The following CNTNAP5 variants were observed in gnomAD, a reference collection of about 807,000 sequenced individuals.
CNTNAP5 encodes contactin associated protein family member 5.
CNTNAP5 carries 72 observed loss-of-function variants against 150.2 expected under a neutral mutation model. That is an observed-to-expected ratio of 0.48 (90% CI 0.40 to 0.58). CNTNAP5 has a LOEUF of 0.58. Ranked by LOEUF, CNTNAP5 falls within the 20% of genes least tolerant of loss-of-function variation. The pLI, the probability that CNTNAP5 is intolerant of heterozygous loss-of-function variation, is 0.00. For synonymous variants in CNTNAP5, 672 were observed against 619.8 expected, an observed-to-expected ratio of 1.08 and a Z score of -1.25; for missense variants, 1,636 against 1,626.2, an observed-to-expected ratio of 1.01 and a Z score of -0.10.
intron 1 of CNTNAP5, among the ~76,000 whole-genome samples, chr2:124,152,730 T>C (rs1246688168): frequency 6.6e-6 from 1 of 152,054 alleles, no homozygotes; most frequent in Non-Finnish European, 1.5e-5. Context: ...ACATGACAGA[T>C]TGGAGGGACC....
At chr2:124,840,779 A>C (rs1022135201) in intron 19 of CNTNAP5, among the ~76,000 whole-genome samples, 7 of 152,088 alleles carry the variant, frequency 4.6e-5, no homozygotes, top group African/African-American at 1.7e-4. Flanking sequence ...ATCATCTCTA[A>C]TTGACCATCA....
At chr2:124,749,318 T>C (rs1196683621) in intron 14 of CNTNAP5, among the ~76,000 whole-genome samples, 3 of 151,988 alleles carry the variant, frequency 2.0e-5, no homozygotes, top group Non-Finnish European at 4.4e-5. Flanking sequence ...TAGTTACTCT[T>C]GACTCTGACC....
intron 3 of CNTNAP5, among the ~76,000 whole-genome samples, chr2:124,367,212 T>C (rs895971422): frequency 1.3e-5 from 2 of 152,184 alleles, no homozygotes; most frequent in East Asian, 1.9e-4. Context: ...ACAGTAACCA[T>C]TGGACTGGTG....
chr2:124,734,326 G>T (rs777569986), intron 13 of CNTNAP5, among the ~76,000 whole-genome samples: 14 of 152,186 alleles, frequency 9.2e-5, no homozygotes, highest in Admixed American at 1.3e-4. Context: ...AATGAAAAGT[G>T]AGCATGAGAG....
chr2:124,138,409 G>T (rs1684027806), intron 1 of CNTNAP5, among the ~76,000 whole-genome samples: 1 of 152,200 alleles, frequency 6.6e-6, no homozygotes, highest in East Asian at 1.9e-4. Context: ...AGGGAGCCTT[G>T]TACTCTTAAT....
At chr2:124,558,495 T>C (rs1330691784) in intron 10 of CNTNAP5, among the ~76,000 whole-genome samples, 1 of 152,030 alleles carries the variant, frequency 6.6e-6, no homozygotes, top group Non-Finnish European at 1.5e-5. Flanking sequence ...AGTCTGGAGT[T>C]CAGGAGCGAA....
Position 124,772,904 on chromosome 2 carries a change from C to T in CNTNAP5, c.2639C>T (p.Ala880Val). ...GACAACCAATGGCACTATGTCCGGGCTGAGAGGAACCTCAAGGAGACCTCC... is the reference window on the plus strand; with the variant it reads ...GACAACCAATGGCACTATGTCCGGGTTGAGAGGAACCTCAAGGAGACCTCC... ...LNDNQWHYVR[A>V]ERNLKETSLQ... The change falls in exon 17 of 24, where the codon GCT becomes GTT. Residue 880 changes from alanine (A) to valine (V), a missense_variant. By Grantham distance (64) the Ala-to-Val change is moderately conservative. Transcript: ENST00000682447. 6.2e-7 allele frequency: 1 copy of T among 1,613,638 alleles called. No homozygotes were observed. Among genetic ancestry groups the T allele is most frequent in the Non-Finnish European group, 8.5e-7 (1 of 1,179,674 alleles).
chr2:124,086,162 T>TTGC (rs1287706663), intron 1 of CNTNAP5, among the ~76,000 whole-genome samples: 1 of 151,526 alleles, frequency 6.6e-6, no homozygotes, highest in Admixed American at 6.6e-5. Flanking sequence ...TTCACATATT[T>TTGC]TGCAGCTTTG....
intron 2 of CNTNAP5, among the ~76,000 whole-genome samples, chr2:124,232,352 G>A (rs555654935): frequency 1.2e-4 from 18 of 152,176 alleles, no homozygotes; most frequent in African/African-American, 2.9e-4. Flanking sequence ...TTTTTCCTTC[G>A]TCTAACTGGG....
intron 10 of CNTNAP5, among the ~76,000 whole-genome samples, chr2:124,537,037 T>A (rs1038472314): frequency 2.7e-4 from 40 of 150,640 alleles, no homozygotes; most frequent in East Asian, 7.8e-4. Context: ...TGTGTGTGTG[T>A]GAGAGAGAGA....
In CNTNAP5 at chr2:124,466,174, T is replaced by C. The variant is rs560070640; in HGVS notation, c.919-8565T>C. Among the ~76,000 whole-genome samples the C allele has an allele frequency of 1.1e-4, 16 of 152,228 alleles. No individual in the cohort carries two copies. In the South Asian group the frequency reaches 3.3e-3, roughly 32 times the overall value. ...TTTTTCCATTTTTACTTCAAGAAAA[T>C]AATTTTCTTTAAAGGTGGTTATTAT... is the stretch of plus-strand genomic sequence containing the variant. On this transcript the variant is annotated intron_variant, in intron 6 of 23. Transcript: ENST00000682447.
rs1558803914 is a variant in CNTNAP5 at position 124,860,489 on chromosome 2, TTCCTTCCTTCCTTCTTTCC to T, written c.3218-4815_3218-4797del. ...CTTCCTTCCTTCCTTCCTTCCTTCC[TTCCTTCCTTCCTTCTTTCC>T]TTCCTTCCTTCCTTCCTTCCTTCCT... is the stretch of plus-strand genomic sequence containing the variant. On this transcript the variant is annotated intron_variant, in intron 19 of 23. Transcript: ENST00000682447. Among the ~76,000 whole-genome samples the T allele has an allele frequency of 6.5e-4, 71 of 109,282 alleles. 1 individual carries two copies. Among genetic ancestry groups the T allele is most frequent in the East Asian group, 3.4e-3 (13 of 3,798 alleles). The allele number at this position is 109,282 out of a possible 152,430, so 71.7% of individuals were successfully genotyped here. A position where few individuals can be genotyped will look rare whatever the true frequency, so the allele number is the denominator to read the frequency against.
intron 1 of CNTNAP5, among the ~76,000 whole-genome samples, chr2:124,096,735 G>A (rs113389676): frequency 0.093 from 14,098 of 151,644 alleles, 780 homozygotes; most frequent in Non-Finnish European, 0.13. Flanking sequence ...ACAGAGTCTC[G>A]CTCTGTCACC....
chr2:124,065,874 G>A (rs994140627), intron 1 of CNTNAP5, among the ~76,000 whole-genome samples: 17 of 152,152 alleles, frequency 1.1e-4, no homozygotes, highest in African/African-American at 2.2e-4. Context: ...GTTAGTCTCC[G>A]TCTGGAGGTT....
chr2:124,242,692 A>G (rs1423029655), intron 3 of CNTNAP5, among the ~76,000 whole-genome samples: 1 of 152,158 alleles, frequency 6.6e-6, no homozygotes, highest in African/African-American at 2.4e-5. Flanking sequence ...AGATAAATGT[A>G]CCAAAAAGTA....
At chr2:124,837,342 A>C (rs1682852678) in intron 19 of CNTNAP5, among the ~76,000 whole-genome samples, 1 of 152,144 alleles carries the variant, frequency 6.6e-6, no homozygotes, top group Non-Finnish European at 1.5e-5. Context: ...GACTATGAGA[A>C]ATCCTCATTA....
chr2:124,756,047 T>A (rs1268986396), intron 14 of CNTNAP5, among the ~76,000 whole-genome samples: 1 of 152,184 alleles, frequency 6.6e-6, no homozygotes, highest in East Asian at 1.9e-4. Flanking sequence ...ACCCAGCAGA[T>A]GTGGCATGGA....
At chr2:124,332,847 C>T (rs1424220690) in intron 3 of CNTNAP5, among the ~76,000 whole-genome samples, 1 of 152,030 alleles carries the variant, frequency 6.6e-6, no homozygotes, top group Non-Finnish European at 1.5e-5. Flanking sequence ...TTAATGTTGA[C>T]AGACATCCTA....
At chr2:124,701,314 G>A (rs948156487) in intron 13 of CNTNAP5, among the ~76,000 whole-genome samples, 5 of 151,924 alleles carry the variant, frequency 3.3e-5, no homozygotes, top group South Asian at 2.1e-4. Flanking sequence ...ACTTACCCTC[G>A]TGTCCTCCAT....
Sources: gnomAD v4.1 joint callset for allele counts (sites outside exome capture counted in the v4.1 genomes callset) on GRCh38, gnomAD v4.1.1 for gene constraint, MANE v1.5 for transcripts, NCBI Gene and HGNC (gene_info 2026-07-23, HGNC 2026-07-21) for gene names.